The following OSBPL9 variants were observed in gnomAD, a reference collection of about 807,000 sequenced individuals.
OSBPL9 encodes the protein oxysterol binding protein like 9, also known as oxysterol-binding protein-related protein 9.
In OSBPL9, 40 loss-of-function variants were observed where a neutral mutation model predicts 106.6. The ratio of observed to expected loss-of-function variants is 0.38; its 90% confidence interval spans 0.29 to 0.49. The LOEUF (loss-of-function observed/expected upper bound fraction) is 0.49. Among genes scored for constraint, OSBPL9 ranks in the 20% least tolerant of loss-of-function variants. OSBPL9 has a pLI of 0.97. For synonymous variants in OSBPL9, 269 were observed against 295.4 expected (o/e 0.91, Z 0.92); for missense variants, 609 against 887.2 (o/e 0.69, Z 3.98).
chr1:51,685,677 C>T (rs570075033), intron 3 of OSBPL9, among the ~76,000 whole-genome samples: 68 of 152,264 alleles, frequency 4.5e-4, no homozygotes, highest in African/African-American at 1.3e-3. Flanking sequence ...GGATTACAGG[C>T]GTGATTCACT....
chr1:51,715,836 CT>C (rs1313794162), intron 4 of OSBPL9, among the ~76,000 whole-genome samples: 1 of 152,230 alleles, frequency 6.6e-6, no homozygotes, highest in East Asian at 1.9e-4. Flanking sequence ...GTCTTCTACC[CT>C]TTTTTTCAAA....
chr1:51,711,848 A>C (rs1295984943), intron 3 of OSBPL9, among the ~76,000 whole-genome samples: 1 of 148,750 alleles, frequency 6.7e-6, no homozygotes, highest in East Asian at 2.0e-4. Context: ...CACTTCCTAG[A>C]TGTGATGGTG....
At chr1:51,775,053 A>G (rs764175294) in intron 14 of OSBPL9, among the ~76,000 whole-genome samples, 1 of 152,062 alleles carries the variant, frequency 6.6e-6, no homozygotes, top group Non-Finnish European at 1.5e-5. Flanking sequence ...GGTGGTTTAT[A>G]ATTCTGCGTT....
chr1:51,660,017 C>T (rs1160275402), intron 2 of OSBPL9, among the ~76,000 whole-genome samples: 1 of 151,538 alleles, frequency 6.6e-6, no homozygotes, highest in African/African-American at 2.4e-5. Context: ...AGCTGAAAAA[C>T]AGAACCATTT....
intron 12 of OSBPL9, among the ~76,000 whole-genome samples, chr1:51,770,158 C>G (rs561608190): frequency 2.0e-3 from 283 of 143,164 alleles, no homozygotes; most frequent in Middle Eastern, 0.018. Context: ...TTTTTTGAGA[C>G]AGAATCTCAC....
At chr1:51,569,079 G>A in the OSBPL9 span, among the ~76,000 whole-genome samples, 3 of 152,038 alleles carry the variant, frequency 2.0e-5, no homozygotes, top group South Asian at 4.2e-4. Context: ...AAACACACAC[G>A]TGCTTAAGTA....
chr1:51,768,158 G>A (rs538369492), intron 12 of OSBPL9, among the ~76,000 whole-genome samples: 1 of 151,916 alleles, frequency 6.6e-6, no homozygotes, highest in Non-Finnish European at 1.5e-5. Context: ...AGCCAGGATG[G>A]TCTCGATCTC....
intron 1 of OSBPL9, among the ~76,000 whole-genome samples, chr1:51,622,064 G>A (rs538791625): frequency 1.3e-3 from 196 of 152,166 alleles, no homozygotes; most frequent in Admixed American, 3.2e-3. Context: ...AAGTAATCAG[G>A]AGGTTGCTTT....
intron 1 of OSBPL9, among the ~76,000 whole-genome samples, chr1:51,590,848 C>T (rs1645271578): frequency 6.6e-6 from 1 of 151,386 alleles, no homozygotes. Context: ...CTTCTGGGTT[C>T]ACACAATCCT....
chr1:51,617,014 A>AC, upstream of OSBPL9: 1 of 1,464,016 alleles, frequency 6.8e-7, no homozygotes, highest in Non-Finnish European at 9.1e-7. Context: ...GGACCCGCCC[A>AC]GGACCCGCCC....
chr1:51,760,897 C>A, intron 10 of OSBPL9, 117 bp downstream of exon 10: 1 of 1,140,258 alleles, frequency 8.8e-7, no homozygotes, highest in Non-Finnish European at 1.2e-6. Context: ...TTAATAAAAG[C>A]ACTCAAAAAA....
intron 3 of OSBPL9, among the ~76,000 whole-genome samples, chr1:51,690,339 T>C (rs958622312): frequency 6.6e-6 from 1 of 152,234 alleles, no homozygotes; most frequent in African/African-American, 2.4e-5. Flanking sequence ...GAATCACTGA[T>C]ACCTGGTTGC....
chr1:51,740,325 A>G lies in OSBPL9; in HGVS notation c.319-5211A>G, dbSNP rs181686080. On this transcript the variant is annotated intron_variant, in intron 4 of 23. Transcript: ENST00000428468. ...TGAACATAAACTTTCCAATATTCTC[A>G]TATTTTAATCAAAATTACATTCCTG... The G allele has an allele frequency of 8.9e-6, 11 of 1,240,182 alleles. No individual in the cohort carries two copies. The Admixed American group carries it at 2.6e-4, about 29-fold the overall frequency. 76.8% of individuals were successfully genotyped at this position (1,240,182 alleles called of 1,614,324 possible). A position where few individuals can be genotyped will look rare whatever the true frequency, so the allele number is the denominator to read the frequency against.
In OSBPL9 at chr1:51,772,143, T is replaced by A; in HGVS notation, c.1012T>A (p.Ser338Thr). The change falls in exon 13 of 24, where the codon TCA becomes ACA. Residue 338 changes from serine (S) to threonine (T), a missense_variant. Coordinates refer to ENST00000428468, the MANE Select transcript of OSBPL9 (RefSeq NM_024586.6). ...NSLKRPDTTE[S>T]LNSSLSNGTS... ...TCTAAAACGCCCAGATACCACAGAA[T>A]CACTTAATTCTTCCTTGTCCAATGG... The A allele has an allele frequency of 6.2e-7, 1 of 1,613,984 alleles. No individual in the cohort carries two copies. Among genetic ancestry groups the A allele is most frequent in the Non-Finnish European group, 8.5e-7 (1 of 1,179,846 alleles).
intron 2 of OSBPL9, 51 bp downstream of exon 2, chr1:51,652,092 T>C (rs773989812): frequency 9.5e-6 from 13 of 1,369,760 alleles, no homozygotes; most frequent in African/African-American, 4.4e-5. Context: ...AAGAAAATTG[T>C]ATTCTGATAG....
the OSBPL9 span, among the ~76,000 whole-genome samples, chr1:51,524,869 A>T: frequency 6.6e-6 from 1 of 152,148 alleles, no homozygotes; most frequent in Non-Finnish European, 1.5e-5. Context: ...GAAACCTTGC[A>T]CTCATGGCTG....
At chr1:51,549,279 A>G in the OSBPL9 span, among the ~76,000 whole-genome samples, 1 of 152,062 alleles carries the variant, frequency 6.6e-6, no homozygotes, top group Non-Finnish European at 1.5e-5. Context: ...TTTGTTTTTA[A>G]CCTTCCCCCA....
chr1:51,693,209 A>G (rs1332830702), intron 3 of OSBPL9, among the ~76,000 whole-genome samples: 1 of 151,956 alleles, frequency 6.6e-6, no homozygotes, highest in African/African-American at 2.4e-5. Context: ...CCCTGTTTCT[A>G]CAAAAAATAA....
chr1:51,618,050 C>G (rs1367665525), intron 1 of OSBPL9, among the ~76,000 whole-genome samples: 3 of 150,276 alleles, frequency 2.0e-5, no homozygotes, highest in Admixed American at 6.6e-5. Context: ...CGGAGTCTCG[C>G]CCTGTTGCCC....
Sources: allele counts gnomAD v4.1 joint callset (sites outside exome capture counted in the v4.1 genomes callset), GRCh38; gene constraint gnomAD v4.1.1; transcripts MANE v1.5; gene names NCBI Gene and HGNC (gene_info 2026-07-23, HGNC 2026-07-21).